Variants in PNPLA7 observed in about 807,000 individuals in gnomAD.
PNPLA7 encodes the protein patatin-like phospholipase domain-containing protein 7.
In PNPLA7, 153 loss-of-function variants were observed where a neutral mutation model predicts 161.7. The ratio of observed to expected loss-of-function variants is 0.95; its 90% CI spans 0.83 to 1.08. PNPLA7 has a LOEUF of 1.08. Ranked by LOEUF, PNPLA7 falls within the 50% of genes least tolerant of loss-of-function variation. PNPLA7 has a pLI of 0.00. For synonymous variants in PNPLA7, 809 were observed against 782.1 expected (o/e 1.03, Z -0.57); for missense variants, 1,739 against 1,856.6 (o/e 0.94, Z 1.16).
chr9:137,521,320 T>C (rs1450053291), intron 10 of PNPLA7, among the ~76,000 whole-genome samples: 1 of 152,202 alleles, frequency 6.6e-6, no homozygotes, highest in Admixed American at 6.5e-5. Flanking sequence ...TTCACAACCG[T>C]GTGGGCCTCC....
At chr9:137,533,886 T>TCCCCAA (rs1308234765) in intron 8 of PNPLA7, among the ~76,000 whole-genome samples, 5 of 136,930 alleles carry the variant, frequency 3.7e-5, no homozygotes, top group Admixed American at 1.5e-4. Context: ...CCCAGACTCC[T>TCCCCAA]CAGTGAGTGT....
intron 20 of PNPLA7, chr9:137,491,733 T>G: frequency 2.0e-6 from 2 of 985,462 alleles, no homozygotes; most frequent in Non-Finnish European, 2.4e-6. Flanking sequence ...TCCATCCGCT[T>G]CTTGGACAGA....
intron 4 of PNPLA7, among the ~76,000 whole-genome samples, chr9:137,546,455 C>T (rs1389674064): frequency 2.0e-5 from 3 of 152,120 alleles, no homozygotes; most frequent in Admixed American, 6.5e-5. Context: ...TACACTCTCT[C>T]GTCTCCGCAC....
At chr9:137,528,066 A>G (rs1468255627) in intron 8 of PNPLA7, among the ~76,000 whole-genome samples, 2 of 152,130 alleles carry the variant, frequency 1.3e-5, no homozygotes, top group African/African-American at 4.8e-5. Flanking sequence ...TAGTCCTTTT[A>G]TGTCTGTAGG....
rs532124301 is a variant in PNPLA7 at position 137,468,393 on chromosome 9, A to C, written c.2883-920T>G. On this transcript the variant is annotated intron_variant, in intron 25 of 34. Transcript: ENST00000406427. This position sits in a 1 kb window ranked among gnomAD's most constrained non-coding sequence, Gnocchi z 4.0. ...GCCCAGAGTGCCTCCCAGGTAAGAG[A>C]TACAGACACAGGCTTTTACAATGAC... is the stretch of plus-strand genomic sequence containing the variant. Among the ~76,000 whole-genome samples the C allele has an allele frequency of 1.3e-5, 2 of 152,334 alleles. No homozygotes were observed. The highest frequency in any genetic ancestry group is 2.9e-5 in the Non-Finnish European group (2 of 68,026).
At position 137,461,582 on chromosome 9, in the gene PNPLA7, G is replaced by C; in HGVS notation, c.3795C>G (p.Ala1265=). 8 of 1,612,794 alleles carry C rather than the reference G, an allele frequency of 5.0e-6. No individual in the cohort carries two copies. The highest frequency in any genetic ancestry group is 2.2e-5 in the East Asian group (1 of 44,864). The change falls in exon 33 of 35, where the codon GCC becomes GCG. Residue 1265 remains alanine (A), a synonymous_variant. Coordinates refer to ENST00000406427, the MANE Select transcript of PNPLA7 (RefSeq NM_001098537.3). The part of the protein sequence containing the change: ...TCPNASFTDL[A]EIVSRIEPAK... The stretch of plus-strand genomic sequence containing the variant: ...CGGGCTCAATGCGAGACACAATTTC[G>C]GCAAGGTCCGTGAAGGAGGCGTTGG...
At position 137,478,039 on chromosome 9, in the gene PNPLA7, TC is replaced by T. The variant is rs1471517214; in HGVS notation, c.2876del (p.Gly959GlufsTer57). On this transcript the variant is annotated frameshift_variant, in exon 25 of 35. Transcript: ENST00000406427. LOFTEE classifies it high-confidence loss of function. ...TAGGAAGCGGGGGGACTCACCTTGC[TC>T]CCCCTCCCCCAAGCACCAGGGCAAT... ...NAIALVLGGG[G>X]ARGCAQVGVL... is the part of the protein sequence containing the mutation. The T allele has an allele frequency of 2.1e-6, 3 of 1,422,856 alleles. No individual in the cohort carries two copies. The highest frequency in any genetic ancestry group is 2.8e-6 in the Non-Finnish European group (3 of 1,083,988). 88.1% of individuals were successfully genotyped at this position (1,422,856 alleles called of 1,614,324 possible). A position where few individuals can be genotyped will look rare whatever the true frequency, so the allele number is the denominator to read the frequency against.
chr9:137,478,430 G>C (rs911614324), intron 24 of PNPLA7: 3 of 324,882 alleles, frequency 9.2e-6, no homozygotes, highest in East Asian at 9.5e-5. Context: ...GGGCCCGGGT[G>C]GGGGGCCAGA....
At chr9:137,483,133 A>G (rs1588568688) in intron 21 of PNPLA7, among the ~76,000 whole-genome samples, 2 of 152,010 alleles carry the variant, frequency 1.3e-5, no homozygotes, top group Admixed American at 6.6e-5. Context: ...CAGCCTCCCC[A>G]AGTGCTGGGA....
At chr9:137,498,941 G>A (rs537406808) in intron 16 of PNPLA7, among the ~76,000 whole-genome samples, 5 of 152,272 alleles carry the variant, frequency 3.3e-5, no homozygotes, top group African/African-American at 1.2e-4. Flanking sequence ...AGCAAACGTG[G>A]AATCAGGATC....
In PNPLA7 at chr9:137,543,792, A is replaced by G; in HGVS notation, c.297T>C (p.Leu99=). 1 of 1,613,840 alleles carries G rather than the reference A, an allele frequency of 6.2e-7. No individual in the cohort carries two copies. ...GCCGGGGCAGGGCAGTGTTCTCCAC[A>G]AGGGTGTTGGGGAGTGTGGTCACCT... ...MRKVTTLPNT[L]VENTALPRQR... is the part of the protein sequence containing the mutation. Residue 99 remains leucine, a synonymous_variant, in exon 5 of 35, where the codon CTT becomes CTC. Transcript: ENST00000406427. The surrounding 1 kb of genome is among the most constrained non-coding windows in gnomAD (Gnocchi z 6.9).
chr9:137,460,683 TC>T lies in PNPLA7; in HGVS notation c.3895del (p.Asp1299MetfsTer49). 1.2e-6 allele frequency: 2 copies of T among 1,612,814 alleles called. No homozygotes were observed. The highest frequency in any genetic ancestry group is 1.7e-6 in the Non-Finnish European group (2 of 1,179,904). On this transcript the variant is annotated frameshift_variant, in exon 34 of 35. Transcript: ENST00000406427. LOFTEE classifies it low-confidence loss of function (END_TRUNC). ...GGTGCTCTGGAAGTCTGCGTATGCA[TC>T]CCTGGGGACGTCCAGCAGCTCCTCC... ...YEEELLDVPR[D>X]AYADFQSTSA...
At position 137,519,958 on chromosome 9, in the gene PNPLA7, C is replaced by T. The variant is rs11137410; in HGVS notation, c.1043G>A (p.Arg348Gln). Residue 348 changes from arginine (R) to glutamine (Q), a missense_variant, in exon 11 of 35, where the codon CGG (arginine) becomes CAG (glutamine). Physicochemically the swap from Arg to Gln is conservative, Grantham distance 43. Around this residue, in one of 6 missense-constraint regions of PNPLA7, gnomAD observed 152 missense variants for 193.5 expected, o/e 0.79. Coordinates refer to ENST00000406427, the MANE Select transcript of PNPLA7 (RefSeq NM_001098537.3). ...CTGGAGCCGCGGTGGCTTTTTAAGC[C>T]GCTCTTCTTCGCCATAGAACACCTG... is the stretch of plus-strand genomic sequence containing the variant. ...KKQVFYGEEE[R>Q]LKKPPRLQES... is the part of the protein sequence containing the mutation. The T allele has an allele frequency of 0.11, 174,585 of 1,612,576 alleles. 10,297 individuals are homozygous for T. The highest frequency in any genetic ancestry group is 0.23 in the East Asian group (10,136 of 44,864).
Position 137,476,978 on chromosome 9 carries a change from C to T in PNPLA7, c.2882+1056G>A, listed in dbSNP as rs116037827. Reference sequence around the variant, plus strand: ...GCCCTGGGGCCAGCAGAAGCATCCTCGAGGCCCTGGGGCCACCTCCGAGCT... The same window carrying T: ...GCCCTGGGGCCAGCAGAAGCATCCTTGAGGCCCTGGGGCCACCTCCGAGCT... On this transcript the variant is annotated intron_variant, in intron 25 of 34. Coordinates refer to ENST00000406427, the MANE Select transcript of PNPLA7 (RefSeq NM_001098537.3). This position sits in a 1 kb window ranked among gnomAD's most constrained non-coding sequence, Gnocchi z 4.5. 4.1e-3 allele frequency among the ~76,000 whole-genome samples: 626 copies of T among 152,358 alleles called. 5 individuals carry two copies. The highest frequency in any genetic ancestry group is 0.013 in the African/African-American group (534 of 41,588).
intron 25 of PNPLA7, among the ~76,000 whole-genome samples, chr9:137,473,406 T>C (rs1249793945): frequency 6.6e-6 from 1 of 152,122 alleles, no homozygotes; most frequent in African/African-American, 2.4e-5. Context: ...CTCTGTGACC[T>C]TGGGATAGGC....
At position 137,537,836 on chromosome 9, in the gene PNPLA7, CA is replaced by C. The variant is rs35079462; in HGVS notation, c.747+2805del. Among the ~76,000 whole-genome samples the C allele has an allele frequency of 0.34, 52,179 of 152,042 alleles. 10,489 individuals carry two copies. Among genetic ancestry groups the C allele is most frequent in the East Asian group, 0.67 (3,471 of 5,166 alleles). ...ACAACAAGATCAAGATCAGAAAGAA[CA>C]AAGAAATAATGGAGAAAGCCTCTAC... On this transcript the variant is annotated intron_variant, in intron 8 of 34. Transcript: ENST00000406427. This position sits in a 1 kb window ranked among gnomAD's most constrained non-coding sequence, Gnocchi z 4.5.
chr9:137,464,239 C>A (rs369372305), intron 27 of PNPLA7, 44 bp from the exon 28 acceptor site: 1 of 1,611,812 alleles, frequency 6.2e-7, no homozygotes, highest in Non-Finnish European at 8.5e-7. Context: ...CCATCACGCT[C>A]CTGTCCTGTG....
intron 8 of PNPLA7, among the ~76,000 whole-genome samples, chr9:137,535,852 C>T (rs1007103127): frequency 6.6e-6 from 1 of 151,176 alleles, no homozygotes; most frequent in Non-Finnish European, 1.5e-5. Context: ...TTGAAAAAAT[C>T]TAGAAAGTAT....
rs990926579 is a variant in PNPLA7 at position 137,515,370 on chromosome 9, G to T, written c.1225+9C>A. The T allele has an allele frequency of 2.5e-6, 4 of 1,598,430 alleles. No homozygotes were observed. The African/African-American group carries it at 4.0e-5, about 16-fold the overall frequency. ...TCACACTGGCTGGGCAGCCGTCGAGGTTCTTTACCTTGTGGGGCCGAAGGG... is the reference window on the plus strand; with the variant it reads ...TCACACTGGCTGGGCAGCCGTCGAGTTTCTTTACCTTGTGGGGCCGAAGGG... On this transcript the variant is annotated intron_variant, in intron 12 of 34. Coordinates refer to ENST00000406427, the MANE Select transcript of PNPLA7 (RefSeq NM_001098537.3).
Sources: allele counts gnomAD v4.1 joint callset (sites outside exome capture counted in the v4.1 genomes callset), GRCh38; gene constraint gnomAD v4.1.1; regional missense constraint gnomAD v4.1.1; non-coding constraint Gnocchi (gnomAD v3.1); transcripts MANE v1.5; gene names NCBI Gene and HGNC (gene_info 2026-07-23, HGNC 2026-07-21).